Variants in SACM1L observed in about 807,000 individuals in gnomAD.
SACM1L encodes phosphatidylinositol-3-phosphatase SAC1.
In SACM1L, 32 loss-of-function variants were observed where a neutral mutation model predicts 89.5. That is an observed-to-expected ratio of 0.36 (90% CI 0.27 to 0.48). The LOEUF (loss-of-function observed/expected upper bound fraction) is 0.48, where lower values mean the gene tolerates loss of function less well. Ranked by LOEUF, SACM1L falls within the 20% of genes least tolerant of loss-of-function variation. The pLI is 0.99. For missense variants in SACM1L, 543 were observed against 708.5 expected (o/e 0.77, Z 2.65); for synonymous variants, 213 against 232.8 (o/e 0.92, Z 0.77).
intron 1 of SACM1L, among the ~76,000 whole-genome samples, chr3:45,690,973 A>G (rs1245019888): frequency 6.6e-6 from 1 of 152,244 alleles, no homozygotes; most frequent in African/African-American, 2.4e-5. Context: ...TAGCGTGGCA[A>G]AGATTGAATA....
intron 1 of SACM1L, among the ~76,000 whole-genome samples, chr3:45,699,822 G>T (rs1295920637): frequency 6.6e-6 from 1 of 152,066 alleles, no homozygotes; most frequent in Non-Finnish European, 1.5e-5. Context: ...GCGCCCAGCC[G>T]AGAAAAACTT....
chr3:45,704,093 CT>C (rs1216611832), intron 2 of SACM1L, among the ~76,000 whole-genome samples: 1 of 152,030 alleles, frequency 6.6e-6, no homozygotes, highest in African/African-American at 2.4e-5. Context: ...GAAAAACAAA[CT>C]TTTTTTTCAC....
intron 7 of SACM1L, among the ~76,000 whole-genome samples, chr3:45,715,272 C>T (rs1698625268): frequency 6.6e-6 from 1 of 152,270 alleles, no homozygotes; most frequent in South Asian, 2.1e-4. Context: ...CTTATCAATA[C>T]AAGTCTATTA....
chr3:45,710,257 G>A (rs1414316525), intron 5 of SACM1L, among the ~76,000 whole-genome samples: 2 of 150,874 alleles, frequency 1.3e-5, no homozygotes, highest in Admixed American at 1.3e-4. Flanking sequence ...CTGTAGTGCA[G>A]TGGTGCGATC....
At chr3:45,711,642 G>C (rs1266318567) in intron 5 of SACM1L, among the ~76,000 whole-genome samples, 5 of 151,900 alleles carry the variant, frequency 3.3e-5, no homozygotes, top group African/African-American at 1.2e-4. Context: ...GTTAACATAG[G>C]GAATCATAAA....
intron 1 of SACM1L, among the ~76,000 whole-genome samples, chr3:45,696,172 T>A (rs1698122198): frequency 6.6e-6 from 1 of 152,064 alleles, no homozygotes; most frequent in Non-Finnish European, 1.5e-5. Flanking sequence ...TACTGTTTTG[T>A]ATTTTTAGTA....
chr3:45,713,743 C>T (rs928832089), intron 6 of SACM1L: 1 of 193,252 alleles, frequency 5.2e-6, no homozygotes, highest in African/African-American at 2.3e-5. Context: ...GAGCTGCAAA[C>T]AATTAGCATG....
chr3:45,730,349 ATT>A (rs34477868), intron 11 of SACM1L, among the ~76,000 whole-genome samples: 91,970 of 143,872 alleles, frequency 0.64, 29,271 homozygotes, highest in African/African-American at 0.67. Flanking sequence ...CTGCTAATCC[ATT>A]TTTTTTTTTT....
chr3:45,690,136 T>A (rs763502908), intron 1 of SACM1L: 3 of 152,350 alleles, frequency 2.0e-5, no homozygotes, highest in African/African-American at 4.8e-5. Context: ...TACTGCAAAT[T>A]GACTTTTCGG....
intron 7 of SACM1L, among the ~76,000 whole-genome samples, chr3:45,714,959 C>G (rs903643036): frequency 6.6e-6 from 1 of 152,162 alleles, no homozygotes; most frequent in Non-Finnish European, 1.5e-5. Flanking sequence ...CATATTTCTA[C>G]TGTATCTTTT....
At position 45,737,568 on chromosome 3, in the gene SACM1L, G is replaced by C. The variant is rs758395627; in HGVS notation, c.1240-15G>C. 3.8e-6 allele frequency: 6 copies of C among 1,590,036 alleles called. No individual in the cohort carries two copies. In the East Asian group the frequency reaches 1.3e-4, roughly 35 times the overall value. ...ATCTATTACACATAAATCTGGGTGT[G>C]GTTTTTTATTCCAGAGACTAGGAGT... On this transcript the variant is annotated splice_polypyrimidine_tract_variant and intron_variant, in intron 14 of 19. Coordinates refer to ENST00000389061, the MANE Select transcript of SACM1L (RefSeq NM_014016.5).
intron 19 of SACM1L, among the ~76,000 whole-genome samples, chr3:45,740,099 A>C (rs1049170228): frequency 6.6e-6 from 1 of 152,166 alleles, no homozygotes; most frequent in Non-Finnish European, 1.5e-5. Context: ...TAGTAAGATA[A>C]GTGGTCACAT....
chr3:45,706,980 T>C, intron 4 of SACM1L, 73 bp downstream of exon 4: 1 of 1,365,686 alleles, frequency 7.3e-7, no homozygotes. Flanking sequence ...AGGGTGAGGG[T>C]GTTGTGGAAT....
chr3:45,732,121 A>G lies in SACM1L; in HGVS notation c.1070A>G (p.Asp357Gly). 6.2e-7 allele frequency: 1 copy of G among 1,605,712 alleles called. No homozygotes were observed. The highest frequency in any genetic ancestry group is 1.3e-5 in the African/African-American group (1 of 74,692). ...MRWDRLSILL[D>G]QVAEMQDELS... ...TGGGATCGACTAAGTATTTTATTGGATCAGGTAGCAGAAATGCAAGATGAA... is the reference window on the plus strand; with the variant it reads ...TGGGATCGACTAAGTATTTTATTGGGTCAGGTAGCAGAAATGCAAGATGAA... The change falls in exon 13 of 20, where the codon GAT becomes GGT. Residue 357 changes from aspartate (D) to glycine (G), a missense_variant. Asp to Gly is a moderately conservative substitution (Grantham distance 94). This residue lies in a region of SACM1L where 370 missense variants were observed against 527.6 expected (regional missense o/e 0.70). Coordinates refer to ENST00000389061, the MANE Select transcript of SACM1L (RefSeq NM_014016.5).
intron 14 of SACM1L, 91 bp downstream of exon 14, chr3:45,735,464 C>T: frequency 1.6e-6 from 2 of 1,264,388 alleles, no homozygotes; most frequent in Middle Eastern, 2.0e-4. Flanking sequence ...ATTCACATTG[C>T]CCACACCCTA....
chr3:45,731,875 G>GGT (rs142043293), intron 12 of SACM1L, among the ~76,000 whole-genome samples, 178 bp from the exon 13 acceptor site: 3 of 152,024 alleles, frequency 2.0e-5, no homozygotes, highest in South Asian at 2.1e-4. Flanking sequence ...CATGAGAAGG[G>GGT]GTGTGTGTGT....
chr3:45,737,871 C>T, intron 16 of SACM1L, 27 bp downstream of exon 16: 1 of 1,578,620 alleles, frequency 6.3e-7, no homozygotes, highest in Non-Finnish European at 8.7e-7. Context: ...AAATAGCATT[C>T]CACATCAGTA....
At position 45,708,344 on chromosome 3, in the gene SACM1L, T is replaced by G. The variant is rs143017851; in HGVS notation, c.334-1154T>G. On this transcript the variant is annotated intron_variant, in intron 4 of 19. Transcript: ENST00000389061. ...TTTTAAAGTCAACATTGTTTAGAGA[T>G]ATATATACCTGTTGAGAGTGATTGT... is the stretch of plus-strand genomic sequence containing the variant. Among the ~76,000 whole-genome samples, 694 of 152,294 alleles carry G rather than the reference T, an allele frequency of 4.6e-3. 5 individuals are homozygous for G. The highest frequency in any genetic ancestry group is 0.016 in the African/African-American group (659 of 41,572).
At position 45,735,384 on chromosome 3, in the gene SACM1L, T is replaced by C. The variant is rs1287343513; in HGVS notation, c.1239+11T>C. The C allele has an allele frequency of 3.4e-5, 8 of 231,926 alleles. No homozygotes were observed. Among genetic ancestry groups the C allele is most frequent in the South Asian group, 2.2e-4 (2 of 8,982 alleles). 14.4% of individuals were successfully genotyped at this position (231,926 alleles called of 1,614,324 possible). ...CAGGCCCAACTTCAGGTGCGAATGC[T>C]TTTTTTTTTTTTAATTGAAAAACAA... On this transcript the variant is annotated intron_variant, in intron 14 of 19. Coordinates refer to ENST00000389061, the MANE Select transcript of SACM1L (RefSeq NM_014016.5).
Sources: allele counts gnomAD v4.1 joint callset (sites outside exome capture counted in the v4.1 genomes callset), GRCh38; gene constraint gnomAD v4.1.1; regional missense constraint gnomAD v4.1.1; transcripts MANE v1.5; gene names NCBI Gene and HGNC (gene_info 2026-07-23, HGNC 2026-07-21).